CMTM8: variants seen among roughly 807,000 people sequenced by gnomAD.
The protein encoded by CMTM8 is CKLF-like MARVEL transmembrane domain-containing protein 8.
Under a neutral mutation model 18.6 loss-of-function variants are expected in CMTM8, and 12 were observed. The observed-to-expected ratio is 0.65, with a 90% CI of 0.41 to 1.05. The LOEUF (loss-of-function observed/expected upper bound fraction) is 1.05. Among genes scored for constraint, CMTM8 ranks in the 50% least tolerant of loss-of-function variants. The pLI, the probability that CMTM8 is intolerant of heterozygous loss-of-function variation, is 0.00. For missense variants in CMTM8, 217 were observed against 227.2 expected (o/e 0.95, Z 0.29); for synonymous variants, 87 against 90.6 (o/e 0.96, Z 0.23).
At chr3:32,312,085 A>G (rs1575171206) in intron 1 of CMTM8, among the ~76,000 whole-genome samples, 1 of 152,322 alleles carries the variant, frequency 6.6e-6, no homozygotes, top group East Asian at 1.9e-4. Context: ...TTGTTGAACT[A>G]CAGGGTATGG....
intron 1 of CMTM8, among the ~76,000 whole-genome samples, chr3:32,285,512 C>CAAA (rs140584675): frequency 0.023 from 2,326 of 100,562 alleles, 61 homozygotes; most frequent in African/African-American, 0.071. Context: ...GATTCTATCT[C>CAAA]AAAAAAAAAA....
At chr3:32,359,074 G>C (rs1472012213) in intron 2 of CMTM8, among the ~76,000 whole-genome samples, 3 of 152,174 alleles carry the variant, frequency 2.0e-5, no homozygotes, top group Non-Finnish European at 4.4e-5. Context: ...TGTTGGGATG[G>C]AGGAATGGAC....
chr3:32,249,862 G>C (rs1240594377), intron 1 of CMTM8, among the ~76,000 whole-genome samples: 1 of 152,138 alleles, frequency 6.6e-6, no homozygotes, highest in Non-Finnish European at 1.5e-5. Flanking sequence ...TATGTCCTTA[G>C]AAGTACAAAG....
chr3:32,353,666 A>G (rs1696755555), intron 1 of CMTM8, among the ~76,000 whole-genome samples: 1 of 152,228 alleles, frequency 6.6e-6, no homozygotes, highest in Non-Finnish European at 1.5e-5. Flanking sequence ...GTGGTTATAA[A>G]TGCAAGGAAA....
At chr3:32,303,807 A>G (rs938997783) in intron 1 of CMTM8, among the ~76,000 whole-genome samples, 10 of 152,174 alleles carry the variant, frequency 6.6e-5, no homozygotes, top group Non-Finnish European at 1.3e-4. Flanking sequence ...TTGTTAAACC[A>G]CTGGGAAGTT....
chr3:32,242,394 A>T (rs1701954707), intron 1 of CMTM8, among the ~76,000 whole-genome samples: 1 of 152,086 alleles, frequency 6.6e-6, no homozygotes, highest in South Asian at 2.1e-4. Context: ...TGGTATGATC[A>T]CAGTGCAACC....
chr3:32,339,855 C>T (rs1245611666), intron 1 of CMTM8, among the ~76,000 whole-genome samples: 3 of 152,064 alleles, frequency 2.0e-5, no homozygotes, highest in East Asian at 1.9e-4. Flanking sequence ...CCCAGCTACT[C>T]GGGAGGCTGA....
intron 1 of CMTM8, among the ~76,000 whole-genome samples, chr3:32,337,846 C>T (rs1696415991): frequency 6.6e-6 from 1 of 152,152 alleles, no homozygotes; most frequent in Non-Finnish European, 1.5e-5. Context: ...GCAGCCAAGT[C>T]CAGCCAGAAC....
At chr3:32,256,550 G>A (rs1299738115) in intron 1 of CMTM8, among the ~76,000 whole-genome samples, 1 of 152,196 alleles carries the variant, frequency 6.6e-6, no homozygotes, top group Non-Finnish European at 1.5e-5. Flanking sequence ...CACTGGTGGT[G>A]TAGCAATAAA....
At chr3:32,325,221 G>A (rs1448212524) in intron 1 of CMTM8, among the ~76,000 whole-genome samples, 1 of 152,140 alleles carries the variant, frequency 6.6e-6, no homozygotes, top group Non-Finnish European at 1.5e-5. Flanking sequence ...TTTAGTGGGG[G>A]CATTGATTTA....
chr3:32,314,445 T>G (rs1319610780), intron 1 of CMTM8, among the ~76,000 whole-genome samples: 1 of 151,176 alleles, frequency 6.6e-6, no homozygotes, highest in Non-Finnish European at 1.5e-5. Context: ...CAGGTCCTAC[T>G]GGGGAGAGGG....
intron 1 of CMTM8, among the ~76,000 whole-genome samples, chr3:32,310,767 C>T (rs559426988): frequency 7.9e-5 from 12 of 152,072 alleles, no homozygotes; most frequent in Non-Finnish European, 1.6e-4. Flanking sequence ...TCAGGTTATA[C>T]AAGTATAAAG....
chr3:32,326,396 AAGT>A (rs1184613853), intron 1 of CMTM8, among the ~76,000 whole-genome samples: 7 of 151,890 alleles, frequency 4.6e-5, no homozygotes. Flanking sequence ...TTACCATCCA[AAGT>A]GTTGCTAACT....
intron 1 of CMTM8, among the ~76,000 whole-genome samples, chr3:32,313,885 G>T (rs1236940483): frequency 6.6e-6 from 1 of 152,122 alleles, no homozygotes; most frequent in Non-Finnish European, 1.5e-5. Context: ...GTGAGGAGTG[G>T]AATTTACTGG....
intron 1 of CMTM8, among the ~76,000 whole-genome samples, chr3:32,276,664 T>C (rs1335406609): frequency 1.3e-5 from 2 of 152,122 alleles, no homozygotes; most frequent in Non-Finnish European, 2.9e-5. Context: ...CCACTTTGGT[T>C]GTTTTCTTGT....
intron 1 of CMTM8, among the ~76,000 whole-genome samples, chr3:32,319,074 A>ATATT: frequency 4.4e-4 from 14 of 31,530 alleles, no homozygotes; most frequent in South Asian, 1.3e-3. Context: ...ATATATATAT[A>ATATT]TTTTTTTTTT....
At chr3:32,369,778 A>T (rs1048972148) in intron 3 of CMTM8, 106 bp from the exon 4 acceptor site, 7 of 611,222 alleles carry the variant, frequency 1.1e-5, no homozygotes, top group Non-Finnish European at 2.0e-5. Flanking sequence ...AAAGCCTGGT[A>T]TCAAGAAAAG....
intron 1 of CMTM8, among the ~76,000 whole-genome samples, chr3:32,341,702 C>A (rs191617665): frequency 6.0e-5 from 9 of 150,860 alleles, no homozygotes; most frequent in African/African-American, 2.2e-4. Context: ...CATGGCGAAA[C>A]CCCCTCTCTA....
intron 1 of CMTM8, among the ~76,000 whole-genome samples, chr3:32,279,121 T>C (rs550382834): frequency 6.6e-6 from 1 of 152,236 alleles, no homozygotes; most frequent in Admixed American, 6.5e-5. Flanking sequence ...TGCATGATGA[T>C]GACAAAGATG....
Sources: gnomAD v4.1 joint callset for allele counts (sites outside exome capture counted in the v4.1 genomes callset) on GRCh38, gnomAD v4.1.1 for gene constraint, MANE v1.5 for transcripts, NCBI Gene and HGNC (gene_info 2026-07-23, HGNC 2026-07-21) for gene names.